Variants in TCF12 observed in about 807,000 individuals in gnomAD.
The protein encoded by TCF12 is DNA-binding protein HTF4.
A neutral mutation model predicts 86.0 loss-of-function variants in TCF12; 45 were observed. That is an observed-to-expected ratio of 0.52 (90% CI 0.41 to 0.67). The LOEUF (loss-of-function observed/expected upper bound fraction) is 0.67. TCF12 is among the 30% of genes least tolerant of loss of function. The pLI, the probability that TCF12 is intolerant of heterozygous loss-of-function variation, is 0.00. For missense variants in TCF12, 881 were observed against 859.9 expected (o/e 1.02, Z -0.31); for synonymous variants, 330 against 299.6 (o/e 1.10, Z -1.05).
chr15:57,283,281 A>G (rs1185260063), intron 20 of TCF12, among the ~76,000 whole-genome samples: 1 of 150,678 alleles, frequency 6.6e-6, no homozygotes, highest in African/African-American at 2.4e-5. Context: ...TTTCCTCAAG[A>G]CAGAGTCTCG....
intron 8 of TCF12, among the ~76,000 whole-genome samples, chr15:57,221,396 G>GTGTA (rs2058586730): frequency 6.6e-6 from 1 of 151,542 alleles, no homozygotes; most frequent in African/African-American, 2.4e-5. Context: ...GTGTGTGTGT[G>GTGTA]TGTGTGTGTG....
chr15:57,232,777 T>C lies in TCF12; in HGVS notation c.891T>C (p.Phe297=). The C allele has an allele frequency of 6.2e-7, 1 of 1,612,888 alleles. No individual in the cohort carries two copies. Among genetic ancestry groups the C allele is most frequent in the Non-Finnish European group, 8.5e-7 (1 of 1,179,462 alleles). Residue 297 remains phenylalanine, a synonymous_variant, in exon 11 of 21, where the codon TTT becomes TTC. Coordinates refer to ENST00000333725, the MANE Select transcript of TCF12 (RefSeq NM_207037.2). ...CGAGTCTTCCACCAATGTCCAGCTT[T>C]CATCGCGGCAGTACCAGCAGTTCAC... ...INTSLPPMSS[F]HRGSTSSSPY...
chr15:57,163,122 C>T (rs12915473), intron 5 of TCF12, among the ~76,000 whole-genome samples: 57,416 of 151,272 alleles, frequency 0.38, 13,556 homozygotes, highest in Non-Finnish European at 0.52. Flanking sequence ...TGCAGTGAGC[C>T]GAGACCATGC....
intron 19 of TCF12, among the ~76,000 whole-genome samples, chr15:57,273,705 T>C (rs573237616): frequency 4.2e-4 from 64 of 152,290 alleles, no homozygotes; most frequent in African/African-American, 1.5e-3. Context: ...TGCCTTGTTA[T>C]CATCCCTTCT....
intron 8 of TCF12, among the ~76,000 whole-genome samples, chr15:57,204,447 ACT>A (rs1480804891): frequency 7.3e-5 from 11 of 151,372 alleles, no homozygotes; most frequent in Admixed American, 7.2e-4. Context: ...CAGAGCCAAG[ACT>A]CTGTCTCAAA....
At position 57,247,207 on chromosome 15, in the gene TCF12, G is replaced by T. The variant is rs1318742736; in HGVS notation, c.1114+3657G>T. 2.0e-5 allele frequency: 12 copies of T among 611,168 alleles called. No homozygotes were observed. In the East Asian group the frequency reaches 2.8e-4, roughly 14 times the overall value. 37.9% of individuals were successfully genotyped at this position (611,168 alleles called of 1,614,324 possible). ...CACCATCATAGCCCCCTCTACTACT[G>T]TAACCAGGACTACCACCATAGTTGC... is the stretch of plus-strand genomic sequence containing the variant. On this transcript the variant is annotated intron_variant, in intron 13 of 20. Transcript: ENST00000333725.
At chr15:57,102,810 A>G (rs2049852175) in intron 5 of TCF12, among the ~76,000 whole-genome samples, 1 of 152,154 alleles carries the variant, frequency 6.6e-6, no homozygotes, top group South Asian at 2.1e-4. Flanking sequence ...AATATGGGCA[A>G]ATTTCTAGGC....
At chr15:57,064,812 A>AAAAAAAAAAAAAAAAAAAAG (rs554263213) in intron 4 of TCF12, among the ~76,000 whole-genome samples, 1 of 123,418 alleles carries the variant, frequency 8.1e-6, no homozygotes, top group African/African-American at 2.9e-5. Context: ...AAAAAAAAAA[A>AAAAAAAAAAAAAAAAAAAAG]AGAGAGAGAG....
chr15:56,918,486 C>G (rs1249422983), upstream of TCF12: 3 of 318,384 alleles, frequency 9.4e-6, no homozygotes, highest in Non-Finnish European at 1.9e-5. Context: ...CCGCCTCACC[C>G]GACCGCGGGC....
At chr15:57,236,934 A>AC (rs2059404413) in intron 12 of TCF12, among the ~76,000 whole-genome samples, 1 of 152,132 alleles carries the variant, frequency 6.6e-6, no homozygotes, top group South Asian at 2.1e-4. Flanking sequence ...CATTTGCCAG[A>AC]CAATAACCCT....
chr15:57,028,560 A>G (rs1277326898), intron 3 of TCF12, among the ~76,000 whole-genome samples: 2 of 152,146 alleles, frequency 1.3e-5, no homozygotes, highest in Admixed American at 1.3e-4. Context: ...TTAAATTTAA[A>G]GGGCACCTCA....
intron 8 of TCF12, among the ~76,000 whole-genome samples, chr15:57,222,393 C>T (rs1177747376): frequency 6.6e-6 from 1 of 151,688 alleles, no homozygotes; most frequent in African/African-American, 2.4e-5. Context: ...CAGACTTGGG[C>T]ATGTAGGTGT....
intron 3 of TCF12, among the ~76,000 whole-genome samples, chr15:56,922,880 A>G (rs1438351070): frequency 6.6e-6 from 1 of 151,954 alleles, no homozygotes; most frequent in Non-Finnish European, 1.5e-5. Context: ...GGGAATGTCT[A>G]AAAGAAATTG....
At chr15:56,938,615 C>G (rs1048985043) in intron 3 of TCF12, among the ~76,000 whole-genome samples, 8 of 145,686 alleles carry the variant, frequency 5.5e-5, no homozygotes, top group Non-Finnish European at 9.0e-5. Context: ...TGTTAGAATT[C>G]TGCTGTGAAT....
chr15:57,124,839 G>A (rs897046291), intron 5 of TCF12, among the ~76,000 whole-genome samples: 5 of 150,402 alleles, frequency 3.3e-5, no homozygotes, highest in South Asian at 2.1e-4. Flanking sequence ...CACCATGCCC[G>A]GCTAACTTTT....
At chr15:57,048,629 C>A (rs1467481538) in intron 3 of TCF12, among the ~76,000 whole-genome samples, 1 of 152,104 alleles carries the variant, frequency 6.6e-6, no homozygotes, top group Non-Finnish European at 1.5e-5. Flanking sequence ...AGACATGGCA[C>A]TCTCTATCAT....
intron 5 of TCF12, among the ~76,000 whole-genome samples, chr15:57,165,248 A>G (rs1406371619): frequency 6.6e-6 from 1 of 152,190 alleles, no homozygotes; most frequent in Non-Finnish European, 1.5e-5. Flanking sequence ...AGGGAAATAT[A>G]TAAACTGGTT....
At chr15:56,919,009 C>T (rs1369508891) in intron 1 of TCF12, 103 bp downstream of exon 1, 2 of 152,006 alleles carry the variant, frequency 1.3e-5, no homozygotes, top group Admixed American at 6.5e-5. Flanking sequence ...CGTCCCCCGC[C>T]TCAACTCCGC....
intron 5 of TCF12, among the ~76,000 whole-genome samples, chr15:57,164,208 C>G (rs1454955141): frequency 1.3e-5 from 2 of 152,164 alleles, no homozygotes; most frequent in African/African-American, 4.8e-5. Flanking sequence ...GACTTAACCT[C>G]CATTCTCCCT....
Sources: allele counts gnomAD v4.1 joint callset (sites outside exome capture counted in the v4.1 genomes callset), GRCh38; gene constraint gnomAD v4.1.1; transcripts MANE v1.5; gene names NCBI Gene and HGNC (gene_info 2026-07-23, HGNC 2026-07-21).